PAFAH1B2: variants seen among roughly 807,000 people sequenced by gnomAD.
PAFAH1B2 encodes the protein platelet activating factor acetylhydrolase 1b catalytic subunit 2, also known as platelet-activating factor acetylhydrolase IB subunit alpha2.
In PAFAH1B2, 8 loss-of-function variants were observed where a neutral mutation model predicts 28.0. The ratio of observed to expected loss-of-function variants is 0.29; its 90% CI spans 0.17 to 0.52. The LOEUF is 0.52. Ranked by LOEUF, PAFAH1B2 falls within the 20% of genes least tolerant of loss-of-function variation. The probability of loss-of-function intolerance (pLI) is 0.97; values close to 1 mark genes in which losing one functional copy is unlikely to be tolerated. For synonymous variants in PAFAH1B2, 104 were observed against 103.2 expected (o/e 1.01, Z -0.05); for missense variants, 190 against 282.6 (o/e 0.67, Z 2.35).
At chr11:117,160,988 A>G (rs1358356607) in intron 3 of PAFAH1B2, among the ~76,000 whole-genome samples, 157 bp from the exon 4 acceptor site, 1 of 152,228 alleles carries the variant, frequency 6.6e-6, no homozygotes, top group South Asian at 2.1e-4. Flanking sequence ...ACTGAGTTAC[A>G]CAATGGTATC....
downstream of PAFAH1B2, among the ~76,000 whole-genome samples, chr11:117,177,995 C>T (rs2030078083): frequency 6.6e-6 from 1 of 152,168 alleles, no homozygotes; most frequent in Non-Finnish European, 1.5e-5. Context: ...ATAAATATCA[C>T]AGTGATAAGC....
In PAFAH1B2 at chr11:117,169,264, G is replaced by T; in HGVS notation, c.*1565G>T. ...AATGTACTTCATCTGAGAATTTGTT[G>T]ATCTTAATGTTCGAGCTATATAAGA... On this transcript the variant is annotated 3_prime_UTR_variant, in exon 6 of 6. Transcript: ENST00000527958. 9.6e-7 allele frequency: 1 copy of T among 1,038,376 alleles called. No homozygotes were observed. The highest frequency in any genetic ancestry group is 4.6e-5 in the South Asian group (1 of 21,748). 64.3% of individuals were successfully genotyped at this position (1,038,376 alleles called of 1,614,324 possible). A position where few individuals can be genotyped will look rare whatever the true frequency, so the allele number is the denominator to read the frequency against.
chr11:117,149,271 C>T (rs542621665), intron 1 of PAFAH1B2, among the ~76,000 whole-genome samples: 43 of 151,046 alleles, frequency 2.8e-4, no homozygotes, highest in Admixed American at 9.3e-4. Context: ...TTTGTAGAGA[C>T]GGGGTCTCAT....
At position 117,170,018 on chromosome 11, in the gene PAFAH1B2, A is replaced by G. The variant is rs1956611914; in HGVS notation, c.*2319A>G. ...TATATCTACCAGAGCTATTCAAGCAATAGTATTTGAACCACTAGCCTTTTA... is the reference window on the plus strand; with the variant it reads ...TATATCTACCAGAGCTATTCAAGCAGTAGTATTTGAACCACTAGCCTTTTA... On this transcript the variant is annotated 3_prime_UTR_variant, in exon 6 of 6. Coordinates refer to ENST00000527958, the MANE Select transcript of PAFAH1B2 (RefSeq NM_002572.4). 2.8e-6 allele frequency: 3 copies of G among 1,055,000 alleles called. No homozygotes were observed. Among genetic ancestry groups the G allele is most frequent in the South Asian group, 9.1e-5 (2 of 21,890 alleles). 65.4% of individuals were successfully genotyped at this position (1,055,000 alleles called of 1,614,324 possible).
chr11:117,165,639 C>G (rs1956489858), intron 5 of PAFAH1B2, among the ~76,000 whole-genome samples: 1 of 152,060 alleles, frequency 6.6e-6, no homozygotes, highest in Admixed American at 6.6e-5. Context: ...ACGTGTTTAA[C>G]AAAAGTTGAC....
At position 117,168,958 on chromosome 11, in the gene PAFAH1B2, T is replaced by G. The variant is rs1244202953; in HGVS notation, c.*1259T>G. ...GGTGCATGCCACCATGCCCGGCTAATTTTTATATTTTTATTAGAGACGGGA... is the reference window on the plus strand; with the variant it reads ...GGTGCATGCCACCATGCCCGGCTAAGTTTTATATTTTTATTAGAGACGGGA... On this transcript the variant is annotated 3_prime_UTR_variant, in exon 6 of 6. Coordinates refer to ENST00000527958, the MANE Select transcript of PAFAH1B2 (RefSeq NM_002572.4). 11 of 297,756 alleles carry G rather than the reference T, an allele frequency of 3.7e-5. No homozygotes were observed. The highest frequency in any genetic ancestry group is 5.2e-5 in the Non-Finnish European group (10 of 191,798). The allele number at this position is 297,756 out of a possible 1,614,324, so 18.4% of individuals were successfully genotyped here. A position where few individuals can be genotyped will look rare whatever the true frequency, so the allele number is the denominator to read the frequency against.
At chr11:117,172,969 C>T (rs1423817269), downstream of PAFAH1B2, among the ~76,000 whole-genome samples, 2 of 152,234 alleles carry the variant, frequency 1.3e-5, no homozygotes, top group Admixed American at 6.5e-5. Flanking sequence ...TCCCAAAGTT[C>T]TGGGATAACA....
At chr11:117,175,921 G>T, downstream of PAFAH1B2, 1 of 1,535,760 alleles carries the variant, frequency 6.5e-7, no homozygotes, top group Non-Finnish European at 8.7e-7. Context: ...TTACTGGCAA[G>T]ATGAGCAGGA....
downstream of PAFAH1B2, chr11:117,175,591 G>C: frequency 3.4e-6 from 4 of 1,163,558 alleles, no homozygotes; most frequent in Non-Finnish European, 4.2e-6. Context: ...AACAGAAATA[G>C]TGATAGTCCA....
intron 5 of PAFAH1B2, among the ~76,000 whole-genome samples, chr11:117,164,451 T>C (rs1446506535): frequency 6.6e-6 from 1 of 152,214 alleles, no homozygotes; most frequent in Admixed American, 6.5e-5. Context: ...AGTACTCCTT[T>C]TTTTGGCCTC....
At chr11:117,151,770 G>A (rs1328867072) in intron 1 of PAFAH1B2, among the ~76,000 whole-genome samples, 1 of 151,668 alleles carries the variant, frequency 6.6e-6, no homozygotes, top group Non-Finnish European at 1.5e-5. Flanking sequence ...GCACAGTCTC[G>A]GCTCACTGCA....
Position 117,168,044 on chromosome 11 carries a change from C to T in PAFAH1B2, c.*345C>T, listed in dbSNP as rs1956552766. The T allele has an allele frequency of 9.4e-7, 1 of 1,065,932 alleles. No homozygotes were observed. Among genetic ancestry groups the T allele is most frequent in the Non-Finnish European group, 1.1e-6 (1 of 880,132 alleles). 66.0% of individuals were successfully genotyped at this position (1,065,932 alleles called of 1,614,324 possible). Reference sequence around the variant, plus strand: ...ACAATATGAAGATTCTTTTCTTGGCCTTTCTGTGGATTATGTCATATATAA... The same window carrying T: ...ACAATATGAAGATTCTTTTCTTGGCTTTTCTGTGGATTATGTCATATATAA... On this transcript the variant is annotated 3_prime_UTR_variant, in exon 6 of 6. Transcript: ENST00000527958.
intron 4 of PAFAH1B2, among the ~76,000 whole-genome samples, chr11:117,163,497 C>T (rs1323255331): frequency 2.6e-5 from 4 of 152,070 alleles, no homozygotes; most frequent in Admixed American, 2.0e-4. Context: ...CGTGGTGAAA[C>T]CCTGGTCTCT....
At chr11:117,173,653 C>T (rs1286101614), downstream of PAFAH1B2, among the ~76,000 whole-genome samples, 1 of 152,202 alleles carries the variant, frequency 6.6e-6, no homozygotes, top group African/African-American at 2.4e-5. Flanking sequence ...ACATCAAAGT[C>T]CGTCCTTTTT....
At chr11:117,146,283 G>T (rs1028351377) in intron 1 of PAFAH1B2, among the ~76,000 whole-genome samples, 1 of 151,672 alleles carries the variant, frequency 6.6e-6, no homozygotes, top group Admixed American at 6.6e-5. Context: ...AGTAGAGACG[G>T]GGTTTCGCCA....
chr11:117,150,537 T>C (rs1197193117), intron 1 of PAFAH1B2, among the ~76,000 whole-genome samples: 1 of 152,096 alleles, frequency 6.6e-6, no homozygotes, highest in Non-Finnish European at 1.5e-5. Context: ...TTAGTGTTAG[T>C]ATTATTTGCT....
chr11:117,150,664 T>C (rs888490591), intron 1 of PAFAH1B2, among the ~76,000 whole-genome samples: 2 of 152,162 alleles, frequency 1.3e-5, no homozygotes, highest in African/African-American at 2.4e-5. Flanking sequence ...TCAGTAAATA[T>C]GTATATTGAA....
intron 2 of PAFAH1B2, among the ~76,000 whole-genome samples, chr11:117,154,541 A>G (rs913213025): frequency 4.6e-5 from 7 of 151,596 alleles, no homozygotes; most frequent in African/African-American, 1.5e-4. Context: ...CCCGGGCTTA[A>G]GTGATCCACC....
chr11:117,160,874 G>A (rs888582151), intron 3 of PAFAH1B2, among the ~76,000 whole-genome samples: 2 of 151,950 alleles, frequency 1.3e-5, no homozygotes, highest in Non-Finnish European at 1.5e-5. Context: ...GGAAAGGAGG[G>A]TTTGTTGAGT....
Sources: allele counts gnomAD v4.1 joint callset (sites outside exome capture counted in the v4.1 genomes callset), GRCh38; gene constraint gnomAD v4.1.1; transcripts MANE v1.5; gene names NCBI Gene and HGNC (gene_info 2026-07-23, HGNC 2026-07-21).